The following SLC30A3 variants were observed in gnomAD, a reference collection of about 807,000 sequenced individuals.
SLC30A3 encodes probable proton-coupled zinc antiporter SLC30A3.
A neutral mutation model predicts 35.6 loss-of-function variants in SLC30A3; 20 were observed. The ratio of observed to expected loss-of-function variants is 0.56; its 90% confidence interval spans 0.39 to 0.82. The LOEUF (loss-of-function observed/expected upper bound fraction) is 0.82, where lower values mean the gene tolerates loss of function less well. SLC30A3 is among the 40% of genes least tolerant of loss of function. The pLI is 0.00. For missense variants in SLC30A3, 401 were observed against 530.6 expected, an observed-to-expected ratio of 0.76 and a Z score of 2.40; for synonymous variants, 217 against 224.7, an observed-to-expected ratio of 0.97 and a Z score of 0.31.
rs113726815 is a variant in SLC30A3 at position 27,274,283 on chromosome 2, C to A, written c.-159+894G>T. ...GAGGTTCCAGTGAGCAGACATTGTG[C>A]CACTGCACTCCAGCCTGTGTGACAG... On this transcript the variant is annotated intron_variant, in intron 1 of 5. Coordinates refer to the SLC30A3 transcript ENST00000424577. Among the ~76,000 whole-genome samples the A allele has an allele frequency of 1.6e-3, 250 of 152,292 alleles. 2 individuals carry two copies. Among genetic ancestry groups the A allele is most frequent in the African/African-American group, 5.8e-3 (241 of 41,562 alleles).
chr2:27,265,682 G>T (rs1290348556), upstream of SLC30A3, among the ~76,000 whole-genome samples: 1 of 152,132 alleles, frequency 6.6e-6, no homozygotes, highest in Non-Finnish European at 1.5e-5. The surrounding 1 kb of genome is among the most constrained non-coding windows in gnomAD (Gnocchi z 5.9). Context: ...GACTGGGTAT[G>T]TGTCCCTCCC....
intron 1 of SLC30A3, among the ~76,000 whole-genome samples, chr2:27,270,023 CAGAA>C (rs1010940540): frequency 6.6e-6 from 1 of 152,118 alleles, no homozygotes; most frequent in Admixed American, 6.5e-5. Flanking sequence ...GTGGGTTAAA[CAGAA>C]AGAAGTGATT....
At chr2:27,269,103 C>T (rs1426937699) in intron 1 of SLC30A3, among the ~76,000 whole-genome samples, 2 of 150,600 alleles carry the variant, frequency 1.3e-5, no homozygotes, top group Admixed American at 6.6e-5. Flanking sequence ...TACAAATAGT[C>T]GTAACATTAA....
Position 27,257,747 on chromosome 2 carries a change from T to C in SLC30A3, c.578+158A>G. ...ATCTGCTGACTGAATTTTAGGTCTC[T>C]ATCCCAGACCCTTCTCAGGCACACG... On this transcript the variant is annotated intron_variant, in intron 4 of 7. Coordinates refer to ENST00000233535, the MANE Select transcript of SLC30A3 (RefSeq NM_003459.5). This position sits in a 1 kb window ranked among gnomAD's most constrained non-coding sequence, Gnocchi z 4.7. 1.4e-6 allele frequency: 1 copy of C among 739,430 alleles called. No homozygotes were observed. The highest frequency in any genetic ancestry group is 2.7e-5 in the East Asian group (1 of 36,836). 45.8% of individuals were successfully genotyped at this position (739,430 alleles called of 1,614,324 possible). A position where few individuals can be genotyped will look rare whatever the true frequency, so the allele number is the denominator to read the frequency against.
At chr2:27,264,831 TACTTATCAGAGCCAAGGTGGAACC>T (rs989384335), upstream of SLC30A3, among the ~76,000 whole-genome samples, 1 of 152,256 alleles carries the variant, frequency 6.6e-6, no homozygotes, top group African/African-American at 2.4e-5. The surrounding 1 kb of genome is among the most constrained non-coding windows in gnomAD (Gnocchi z 6.1). Flanking sequence ...CTTTTCGGGC[TACTTATCAGAGCCAAGGTGGAACC>T]CAAGTCCCTG....
rs940963615 is a variant in SLC30A3, at chr2:27,270,171, T to A, written c.-159+5006A>T. Among the ~76,000 whole-genome samples, 6 of 152,388 alleles carry A rather than the reference T, an allele frequency of 3.9e-5. No homozygotes were observed. The South Asian group carries it at 1.0e-3, about 26-fold the overall frequency. On this transcript the variant is annotated intron_variant, in intron 1 of 5. Coordinates refer to the SLC30A3 transcript ENST00000424577. ...ACAATTAAGAGGGTGAGGTATTAACTATTTTTTCACTATAATCTAAATTAC... is the reference window on the plus strand; with the variant it reads ...ACAATTAAGAGGGTGAGGTATTAACAATTTTTTCACTATAATCTAAATTAC...
At chr2:27,274,596 T>C (rs915836334) in intron 1 of SLC30A3, among the ~76,000 whole-genome samples, 2 of 151,600 alleles carry the variant, frequency 1.3e-5, no homozygotes, top group African/African-American at 4.9e-5. Context: ...CATGCTCCCA[T>C]GCCAGCAGGT....
Position 27,271,002 on chromosome 2 carries a change from T to TG in SLC30A3, c.-159+4174dup, listed in dbSNP as rs1677707545. On this transcript the variant is annotated intron_variant, in intron 1 of 5. Coordinates refer to the SLC30A3 transcript ENST00000424577. This position sits in a 1 kb window ranked among gnomAD's most constrained non-coding sequence, Gnocchi z 4.3. ...ACAGTCACGGTGTAGATACTGAACT[T>TG]GGAGTCAGAAAACTCAGGTCAGATC... 1.3e-5 allele frequency among the ~76,000 whole-genome samples: 2 copies of TG among 152,146 alleles called. No homozygotes were observed. Among genetic ancestry groups the TG allele is most frequent in the Admixed American group, 1.3e-4 (2 of 15,272 alleles).
At chr2:27,264,265 C>T, upstream of SLC30A3, 2 of 367,878 alleles carry the variant, frequency 5.4e-6, no homozygotes, top group South Asian at 3.9e-5. This position sits in a 1 kb window ranked among gnomAD's most constrained non-coding sequence, Gnocchi z 6.1. Flanking sequence ...CACTGGGCGT[C>T]CTGAACTTAG....
rs191641256 is a variant in SLC30A3, at chr2:27,258,847, C to T, written c.183G>A (p.Pro61=). The T allele has an allele frequency of 1.4e-4, 220 of 1,614,160 alleles. No individual in the cohort carries two copies. The East Asian group carries it at 2.4e-3, about 18-fold the overall frequency. Reference sequence around the variant, plus strand: ...GCCTCTCAGGGGTAAGGCCCGGCGGCGGAAGGGGGTCCCTGTGGCAGTGGT... The same window carrying T: ...GCCTCTCAGGGGTAAGGCCCGGCGGTGGAAGGGGGTCCCTGTGGCAGTGGT... ...PFHHCHRDPL[P]PPGLTPERLH... The change falls in exon 2 of 8, where the codon CCG becomes CCA. Residue 61 remains proline (P), a synonymous_variant. Transcript: ENST00000233535. This position sits in a 1 kb window ranked among gnomAD's most constrained non-coding sequence, Gnocchi z 4.0.
intron 1 of SLC30A3, among the ~76,000 whole-genome samples, chr2:27,261,828 G>C (rs1257671462): frequency 1.3e-5 from 2 of 152,120 alleles, no homozygotes; most frequent in East Asian, 3.9e-4. Flanking sequence ...TGCAGGAAGG[G>C]GTCCAGCTCT....
upstream of SLC30A3, among the ~76,000 whole-genome samples, chr2:27,265,004 G>A (rs1476961139): frequency 6.6e-6 from 1 of 152,232 alleles, no homozygotes; most frequent in Non-Finnish European, 1.5e-5. The surrounding 1 kb of genome is among the most constrained non-coding windows in gnomAD (Gnocchi z 5.9). Flanking sequence ...TCCGCGGCTC[G>A]GATGCGGCAG....
chr2:27,262,846 G>T lies in SLC30A3; in HGVS notation c.61C>A (p.Arg21Ser), dbSNP rs766989486. ...ETTRLVSPRDRGGAGGSLRLK... is the reference protein window; with the variant it reads ...ETTRLVSPRDSGGAGGSLRLK... The stretch of plus-strand genomic sequence containing the variant: ...CGCAGGCTGCCTCCGGCGCCACCGC[G>T]GTCCCGGGGGCTCACCAGGCGAGTG... Residue 21 changes from arginine (R) to serine (S), a missense_variant, in exon 1 of 8, where the codon CGC becomes AGC. Arg to Ser is a moderately radical substitution (Grantham distance 110). Coordinates refer to ENST00000233535, the MANE Select transcript of SLC30A3 (RefSeq NM_003459.5). This position sits in a 1 kb window ranked among gnomAD's most constrained non-coding sequence, Gnocchi z 7.5. 1 of 1,565,776 alleles carries T rather than the reference G, an allele frequency of 6.4e-7. No homozygotes were observed. Among genetic ancestry groups the T allele is most frequent in the Non-Finnish European group, 8.6e-7 (1 of 1,161,090 alleles).
chr2:27,263,036 A>C lies in SLC30A3; in HGVS notation c.-130T>G. 6.6e-6 allele frequency: 9 copies of C among 1,368,528 alleles called. No homozygotes were observed. In the East Asian group the frequency reaches 1.3e-4, roughly 19 times the overall value. The allele number at this position is 1,368,528 out of a possible 1,614,324, so 84.8% of individuals were successfully genotyped here. A position where few individuals can be genotyped will look rare whatever the true frequency, so the allele number is the denominator to read the frequency against. The stretch of plus-strand genomic sequence containing the variant: ...CGGCGGGGCCACCAGAGTGGAGCGA[A>C]CTGCAGCGACTGTGGCGCGCGGAGT... On this transcript the variant is annotated 5_prime_UTR_variant, in exon 1 of 8. Transcript: ENST00000233535.
At chr2:27,274,376 C>G (rs745843932) in intron 1 of SLC30A3, among the ~76,000 whole-genome samples, 3 of 151,884 alleles carry the variant, frequency 2.0e-5, no homozygotes. Context: ...AAAATGTGCA[C>G]AAATAACTGT....
At chr2:27,261,397 C>G (rs552821829) in intron 1 of SLC30A3, among the ~76,000 whole-genome samples, 1 of 152,214 alleles carries the variant, frequency 6.6e-6, no homozygotes, top group African/African-American at 2.4e-5. Context: ...CTGCAGGATT[C>G]GGTGACTAAT....
chr2:27,274,188 G>T (rs996658483), intron 1 of SLC30A3, among the ~76,000 whole-genome samples: 2 of 152,174 alleles, frequency 1.3e-5, no homozygotes, highest in Non-Finnish European at 2.9e-5. Context: ...AGCCAGGCGT[G>T]GTGGCAGGCA....
At position 27,255,587 on chromosome 2, in the gene SLC30A3, T is replaced by C. The variant is rs1676803109; in HGVS notation, c.1019-127A>G. ...GCGTGAATGGAAGCCTGCTTTTCTT[T>C]CTGTATTGTATGAACAGCATAAAAG... On this transcript the variant is annotated intron_variant, in intron 7 of 7. Transcript: ENST00000233535. The surrounding 1 kb of genome is among the most constrained non-coding windows in gnomAD (Gnocchi z 5.2). 2.9e-6 allele frequency: 3 copies of C among 1,023,752 alleles called. No homozygotes were observed. The South Asian group carries it at 4.7e-5, about 16-fold the overall frequency. 63.4% of individuals were successfully genotyped at this position (1,023,752 alleles called of 1,614,324 possible).
chr2:27,259,422 G>A (rs1218421248), intron 1 of SLC30A3, among the ~76,000 whole-genome samples: 3 of 152,000 alleles, frequency 2.0e-5, no homozygotes, highest in African/African-American at 7.3e-5. Context: ...GAACCAGGGA[G>A]TTGGAGGTTG....
Sources: gnomAD v4.1 joint callset for allele counts (sites outside exome capture counted in the v4.1 genomes callset) on GRCh38, gnomAD v4.1.1 for gene constraint, Gnocchi (gnomAD v3.1) non-coding constraint, MANE v1.5 for transcripts, NCBI Gene and HGNC (gene_info 2026-07-23, HGNC 2026-07-21) for gene names.